Variants in ZNF354C observed in about 807,000 individuals in gnomAD.
ZNF354C encodes KRAB-zinc finger protein synten.
ZNF354C carries 7 observed loss-of-function variants against 12.4 expected under a neutral mutation model. The ratio of observed to expected loss-of-function variants is 0.56; its 90% CI spans 0.32 to 1.06. The LOEUF is 1.06. Among genes scored for constraint, ZNF354C ranks in the 50% least tolerant of loss-of-function variants. The pLI is 0.04. For synonymous variants in ZNF354C, 202 were observed against 224.5 expected (o/e 0.90, Z 0.90); for missense variants, 609 against 658.0 (o/e 0.93, Z 0.81).
chr5:179,069,653 C>A (rs912721132), intron 2 of ZNF354C, among the ~76,000 whole-genome samples: 2 of 151,506 alleles, frequency 1.3e-5, no homozygotes, highest in African/African-American at 4.9e-5. Flanking sequence ...CTCACGAGAT[C>A]AGGAGATCGA....
At chr5:179,072,962 A>G (rs1055562669) in intron 2 of ZNF354C, among the ~76,000 whole-genome samples, 1 of 152,218 alleles carries the variant, frequency 6.6e-6, no homozygotes, top group Non-Finnish European at 1.5e-5. Flanking sequence ...TAGTAGCCAC[A>G]TATAGCTAGC....
In ZNF354C at chr5:179,078,674, T is replaced by G; in HGVS notation, c.251-9T>G. On this transcript the variant is annotated splice_polypyrimidine_tract_variant and intron_variant, in intron 4 of 4. Transcript: ENST00000315475. ...CAGAGGAGGCATTAATTCTTCTGAT[T>G]CATTTTAGGTTTCAAGACTTGGCTT... The G allele has an allele frequency of 6.4e-7, 1 of 1,571,768 alleles. No homozygotes were observed. Among genetic ancestry groups the G allele is most frequent in the Non-Finnish European group, 8.6e-7 (1 of 1,163,088 alleles).
At chr5:179,075,811 CT>C (rs1186974358) in intron 2 of ZNF354C, among the ~76,000 whole-genome samples, 7 of 152,220 alleles carry the variant, frequency 4.6e-5, no homozygotes, top group African/African-American at 1.7e-4. Context: ...AATAAATGTA[CT>C]GAAATTTGCT....
Position 179,063,919 on chromosome 5 carries a change from C to T in ZNF354C, c.27+1824C>T, listed in dbSNP as rs530015887. On this transcript the variant is annotated intron_variant, in intron 2 of 4. Coordinates refer to ENST00000315475, the MANE Select transcript of ZNF354C (RefSeq NM_014594.3). ...AGCAGCAGCAGCACTATTTTAGGAC[C>T]TGCCAGATTTGGTGTGCTTCGCCTC... Among the ~76,000 whole-genome samples, 3 of 152,348 alleles carry T rather than the reference C, an allele frequency of 2.0e-5. No homozygotes were observed. The East Asian group carries it at 5.8e-4, about 29-fold the overall frequency.
intron 2 of ZNF354C, among the ~76,000 whole-genome samples, chr5:179,067,213 C>G (rs1450989434): frequency 6.6e-6 from 1 of 152,158 alleles, no homozygotes; most frequent in Non-Finnish European, 1.5e-5. Context: ...CTCAGTCGTT[C>G]ACATGTCAGG....
In ZNF354C at chr5:179,082,431, T is replaced by C. The variant is rs181080751; in HGVS notation, c.*2334T>C. On this transcript the variant is annotated 3_prime_UTR_variant, in exon 5 of 5. Coordinates refer to ENST00000315475, the MANE Select transcript of ZNF354C (RefSeq NM_014594.3). Reference sequence around the variant, plus strand: ...TTGAATTACACAGTATGGAAATAAATAGACAAGTCCAGAGTTGGTATAGGA... The same window carrying C: ...TTGAATTACACAGTATGGAAATAAACAGACAAGTCCAGAGTTGGTATAGGA... The C allele has an allele frequency of 9.7e-4, 447 of 460,410 alleles. 4 individuals are homozygous for C. Among genetic ancestry groups the C allele is most frequent in the African/African-American group, 8.1e-3 (408 of 50,528 alleles). The allele number at this position is 460,410 out of a possible 1,614,324, so 28.5% of individuals were successfully genotyped here.
In ZNF354C at chr5:179,078,944, C is replaced by T. The variant is rs140067208; in HGVS notation, c.512C>T (p.Thr171Ile). The T allele has an allele frequency of 9.9e-6, 16 of 1,613,874 alleles. No homozygotes were observed. Among genetic ancestry groups the T allele is most frequent in the African/African-American group, 4.0e-5 (3 of 74,928 alleles). Residue 171 changes from threonine to isoleucine, a missense_variant, in exon 5 of 5, where the codon ACA (threonine) becomes ATA (isoleucine). Transcript: ENST00000315475. The stretch of plus-strand genomic sequence containing the variant: ...CTTGAATTGGGGAAAAGCTTATTTA[C>T]AAATACAGCTCTTGTCACACAACAG... ...TSLELGKSLF[T>I]NTALVTQQSV...
intron 2 of ZNF354C, among the ~76,000 whole-genome samples, chr5:179,075,766 C>T (rs1232651466): frequency 1.3e-5 from 2 of 152,112 alleles, no homozygotes; most frequent in Non-Finnish European, 1.5e-5. Context: ...AGAGATCTAC[C>T]TCATTCTATT....
intron 2 of ZNF354C, among the ~76,000 whole-genome samples, chr5:179,069,541 G>A (rs1264319175): frequency 1.5e-5 from 2 of 134,092 alleles, no homozygotes; most frequent in Admixed American, 8.4e-5. Flanking sequence ...CAGCCTGGGC[G>A]ACAGAGCAAG....
chr5:179,077,909 G>A (rs185141347), intron 4 of ZNF354C, among the ~76,000 whole-genome samples: 23 of 149,752 alleles, frequency 1.5e-4, no homozygotes, highest in African/African-American at 4.9e-4. Context: ...AGGCTCAAGC[G>A]ATCCTTTCAC....
At chr5:179,070,793 TGCAG>T (rs970021133) in intron 2 of ZNF354C, among the ~76,000 whole-genome samples, 1 of 151,352 alleles carries the variant, frequency 6.6e-6, no homozygotes, top group Non-Finnish European at 1.5e-5. Context: ...TCTTTCCTTA[TGCAG>T]CACTCTCTCA....
chr5:179,061,351 T>C (rs1761889361), intron 1 of ZNF354C, among the ~76,000 whole-genome samples: 1 of 152,138 alleles, frequency 6.6e-6, no homozygotes, highest in Admixed American at 6.5e-5. Flanking sequence ...CGGCTGTTTC[T>C]GGTTGTGGGT....
intron 2 of ZNF354C, among the ~76,000 whole-genome samples, chr5:179,074,237 T>G (rs1762084597): frequency 1.3e-5 from 2 of 151,658 alleles, no homozygotes; most frequent in Admixed American, 1.3e-4. Flanking sequence ...CGCGTCAGCC[T>G]CCCAAAGTGC....
Position 179,079,597 on chromosome 5 carries a change from T to C in ZNF354C, c.1165T>C (p.Cys389Arg). Residue 389 changes from cysteine (C) to arginine (R), a missense_variant, in exon 5 of 5, where the codon TGT becomes CGT. Transcript: ENST00000315475. The surrounding 1 kb of genome is among the most constrained non-coding windows in gnomAD (Gnocchi z 4.2). Reference protein sequence around the residue: ...TGEQLYTCLECGRTFTRIVTL... With the variant: ...TGEQLYTCLERGRTFTRIVTL... ...AGAACAACTGTATACATGCTTGGAA[T>C]GTGGGAGAACCTTCACACGTATTGT... 6.2e-7 allele frequency: 1 copy of C among 1,614,178 alleles called. No individual in the cohort carries two copies. The highest frequency in any genetic ancestry group is 8.5e-7 in the Non-Finnish European group (1 of 1,180,032).
chr5:179,066,065 G>A lies in ZNF354C; in HGVS notation c.27+3970G>A, dbSNP rs186795234. ...ATCAACATACATTATTTGGAAATCT[G>A]TATGGAGGATTGTTGCTTCTCTCCA... On this transcript the variant is annotated intron_variant, in intron 2 of 4. Transcript: ENST00000315475. Among the ~76,000 whole-genome samples, 4 of 152,346 alleles carry A rather than the reference G, an allele frequency of 2.6e-5. No homozygotes were observed. The East Asian group carries it at 7.7e-4, about 29-fold the overall frequency.
chr5:179,077,853 C>T (rs902015241), intron 4 of ZNF354C, among the ~76,000 whole-genome samples: 14 of 149,754 alleles, frequency 9.3e-5, no homozygotes, highest in African/African-American at 3.0e-4. Flanking sequence ...TCACCCAGGC[C>T]GGAGTGCAGT....
Position 179,082,644 on chromosome 5 carries a change from T to C in ZNF354C, c.*2547T>C. On this transcript the variant is annotated 3_prime_UTR_variant, in exon 5 of 5. Transcript: ENST00000315475. ...CAGATTCCTCCCAACTTGATCATAG[T>C]GGATTAATGACGTGCTTTGTGGATG... The C allele has an allele frequency of 5.2e-6, 8 of 1,527,108 alleles. No individual in the cohort carries two copies. Among genetic ancestry groups the C allele is most frequent in the South Asian group, 1.1e-5 (1 of 89,006 alleles). The allele number at this position is 1,527,108 out of a possible 1,614,324, so 94.6% of individuals were successfully genotyped here. A position where few individuals can be genotyped will look rare whatever the true frequency, so the allele number is the denominator to read the frequency against.
intron 2 of ZNF354C, among the ~76,000 whole-genome samples, chr5:179,075,267 A>G (rs1191187494): frequency 6.9e-6 from 1 of 144,316 alleles, no homozygotes; most frequent in East Asian, 2.0e-4. Context: ...TCAGAAAAAG[A>G]AAAAAAAAAA....
chr5:179,077,100 C>A lies in ZNF354C; in HGVS notation c.184C>A (p.His62Asn), dbSNP rs934548323. Residue 62 changes from histidine (H) to asparagine (N), a missense_variant, in exon 4 of 5, where the codon CAT becomes AAT. Transcript: ENST00000315475. Reference protein sequence around the residue: ...GIPFSMPKLIHQLQQGEDPCM... With the variant: ...GIPFSMPKLINQLQQGEDPCM... ...TCCATTTTCAATGCCAAAGTTGATT[C>A]ATCAGTTGCAGCAAGGAGAAGATCC... 1.2e-6 allele frequency: 2 copies of A among 1,614,142 alleles called. No individual in the cohort carries two copies. The highest frequency in any genetic ancestry group is 3.3e-5 in the Admixed American group (2 of 60,016).
Sources: allele counts gnomAD v4.1 joint callset (sites outside exome capture counted in the v4.1 genomes callset), GRCh38; gene constraint gnomAD v4.1.1; non-coding constraint Gnocchi (gnomAD v3.1); transcripts MANE v1.5; gene names NCBI Gene and HGNC (gene_info 2026-07-23, HGNC 2026-07-21).